Variants in SGCD observed in about 807,000 individuals in gnomAD.
SGCD encodes sarcoglycan delta.
SGCD carries 18 observed loss-of-function variants against 36.6 expected under a neutral mutation model. The ratio of observed to expected loss-of-function variants is 0.49; its 90% CI spans 0.34 to 0.73. The LOEUF (loss-of-function observed/expected upper bound fraction) is 0.73, where lower values mean the gene tolerates loss of function less well. Ranked by LOEUF, SGCD falls within the 30% of genes least tolerant of loss-of-function variation. SGCD has a pLI of 0.01. For missense variants in SGCD, 387 were observed against 346.7 expected, an observed-to-expected ratio of 1.12 and a Z score of -0.92; for synonymous variants, 133 against 130.6, an observed-to-expected ratio of 1.02 and a Z score of -0.12.
chr5:156,119,995 C>A (rs1034675120), intron 2 of SGCD, among the ~76,000 whole-genome samples: 34 of 152,184 alleles, frequency 2.2e-4, no homozygotes, highest in African/African-American at 8.0e-4. Flanking sequence ...TGATTTAAGA[C>A]ATATGTTGTT....
In SGCD at chr5:156,141,769, T is replaced by C. The variant is rs756008100; in HGVS notation, c.-44+17750T>C. Among the ~76,000 whole-genome samples, 4 of 152,206 alleles carry C rather than the reference T, an allele frequency of 2.6e-5. No homozygotes were observed. The South Asian group carries it at 8.3e-4, about 31-fold the overall frequency. On this transcript the variant is annotated intron_variant, in intron 3 of 9. Transcript: ENST00000517913. ...AACCCATTTCTATATCCCTGTTGCATTGTCTTCAATTTTCAAAACTCTAAG... is the reference window on the plus strand; with the variant it reads ...AACCCATTTCTATATCCCTGTTGCACTGTCTTCAATTTTCAAAACTCTAAG...
At chr5:156,397,672 G>T (rs912994886) in intron 3 of SGCD, among the ~76,000 whole-genome samples, 1 of 152,152 alleles carries the variant, frequency 6.6e-6, no homozygotes, top group Non-Finnish European at 1.5e-5. Flanking sequence ...CTGTCTCCCC[G>T]AGCAGCTTAG....
intron 3 of SGCD, among the ~76,000 whole-genome samples, chr5:156,268,512 T>C (rs557572501): frequency 7.7e-4 from 118 of 152,334 alleles, no homozygotes; most frequent in Admixed American, 1.8e-3. Context: ...GAGTTTTTAA[T>C]AGTAGCCATT....
At chr5:156,593,807 T>C (rs1010020292) in intron 5 of SGCD, among the ~76,000 whole-genome samples, 2 of 152,200 alleles carry the variant, frequency 1.3e-5, no homozygotes, top group African/African-American at 2.4e-5. Context: ...CTGGGGACTC[T>C]CTCATTGCTA....
chr5:156,681,487 G>A (rs1180627392), intron 7 of SGCD, among the ~76,000 whole-genome samples: 1 of 152,196 alleles, frequency 6.6e-6, no homozygotes, highest in Non-Finnish European at 1.5e-5. Flanking sequence ...GCCAAAAGCA[G>A]TATTTGGATG....
intron 3 of SGCD, among the ~76,000 whole-genome samples, chr5:156,380,467 C>T (rs1385684977): frequency 1.3e-5 from 2 of 152,208 alleles, no homozygotes; most frequent in Admixed American, 6.5e-5. Context: ...TTTTCAAGCA[C>T]GTATTCATTC....
At chr5:156,328,013 T>C (rs952323316) in intron 1 of SGCD, among the ~76,000 whole-genome samples, 6 of 152,206 alleles carry the variant, frequency 3.9e-5, no homozygotes, top group Non-Finnish European at 4.4e-5. Context: ...GACAGAGACA[T>C]GATGGTGTGA....
intron 1 of SGCD, among the ~76,000 whole-genome samples, chr5:156,080,157 C>T (rs1760913524): frequency 6.6e-6 from 1 of 152,206 alleles, no homozygotes; most frequent in Non-Finnish European, 1.5e-5. Flanking sequence ...TGAGTTGTAT[C>T]TCAGGCTCTT....
chr5:156,445,949 C>T (rs898349353), intron 3 of SGCD, among the ~76,000 whole-genome samples: 3 of 152,108 alleles, frequency 2.0e-5, no homozygotes, highest in African/African-American at 7.2e-5. Context: ...CTGTACTGTG[C>T]TAGTTGCCAG....
intron 1 of SGCD, among the ~76,000 whole-genome samples, chr5:156,001,425 G>A (rs1290982431): frequency 1.3e-5 from 2 of 152,198 alleles, no homozygotes; most frequent in East Asian, 3.9e-4. Context: ...AGAAAACAGT[G>A]TTTTATATTT....
chr5:156,436,443 A>T (rs1753251023), intron 3 of SGCD, among the ~76,000 whole-genome samples: 1 of 152,200 alleles, frequency 6.6e-6, no homozygotes, highest in Non-Finnish European at 1.5e-5. Context: ...TTTCCCAAGG[A>T]ATTTGACTCA....
At chr5:156,264,910 A>T (rs531983504) in intron 3 of SGCD, among the ~76,000 whole-genome samples, 5 of 152,164 alleles carry the variant, frequency 3.3e-5, no homozygotes, top group Admixed American at 2.0e-4. Context: ...TGAATTCTTC[A>T]TTCCAAACTC....
At position 156,589,109 on chromosome 5, in the gene SGCD, G is replaced by T. The variant is rs1760614318; in HGVS notation, c.295-122G>T. 3 of 649,918 alleles carry T rather than the reference G, an allele frequency of 4.6e-6. No homozygotes were observed. In the South Asian group the frequency reaches 5.8e-5, roughly 13 times the overall value. The allele number at this position is 649,918 out of a possible 1,614,324, so 40.3% of individuals were successfully genotyped here. On this transcript the variant is annotated intron_variant, in intron 4 of 8. Coordinates refer to ENST00000337851, the MANE Select transcript of SGCD (RefSeq NM_000337.6). ...ATCTTTAAACATTTGGAGTTTTTGA[G>T]TAAAGACACATTGATTGGAACTTGG...
At chr5:156,353,233 T>C (rs1580861726) in intron 3 of SGCD, among the ~76,000 whole-genome samples, 1 of 152,194 alleles carries the variant, frequency 6.6e-6, no homozygotes, top group East Asian at 1.9e-4. Flanking sequence ...ATTGAATAAA[T>C]GAAAGGGAGA....
chr5:156,492,644 C>T (rs1755996944), intron 3 of SGCD, among the ~76,000 whole-genome samples: 3 of 152,058 alleles, frequency 2.0e-5, no homozygotes, highest in Admixed American at 6.6e-5. Flanking sequence ...ATACACGTGC[C>T]ATGATGGTTT....
At chr5:156,312,387 G>A (rs1767411518) in intron 3 of SGCD, among the ~76,000 whole-genome samples, 1 of 152,122 alleles carries the variant, frequency 6.6e-6, no homozygotes, top group African/African-American at 2.4e-5. Flanking sequence ...TTAGAAAAAG[G>A]TAATCCTTAG....
At chr5:156,613,063 C>T (rs946599705) in intron 6 of SGCD, among the ~76,000 whole-genome samples, 9 of 152,298 alleles carry the variant, frequency 5.9e-5, no homozygotes, top group South Asian at 2.1e-4. Flanking sequence ...GGCAGAGGTA[C>T]GGTGCTTTGC....
chr5:156,119,081 G>A (rs572181086), intron 2 of SGCD, among the ~76,000 whole-genome samples: 9 of 152,270 alleles, frequency 5.9e-5, no homozygotes, highest in African/African-American at 1.7e-4. Context: ...GCTCATTCCA[G>A]TATGTAGTGG....
At position 156,397,933 on chromosome 5, in the gene SGCD, G is replaced by A. The variant is rs191738877; in HGVS notation, c.192+53256G>A. Reference sequence around the variant, plus strand: ...AAAAACGGGTTTGAATCTGTCCTGAGGCTGATAAAGAGGCAGGATTTATTA... The same window carrying A: ...AAAAACGGGTTTGAATCTGTCCTGAAGCTGATAAAGAGGCAGGATTTATTA... On this transcript the variant is annotated intron_variant, in intron 3 of 8. Coordinates refer to ENST00000337851, the MANE Select transcript of SGCD (RefSeq NM_000337.6). 1.6e-3 allele frequency among the ~76,000 whole-genome samples: 248 copies of A among 152,222 alleles called. 1 individual carries two copies. The highest frequency in any genetic ancestry group is 5.8e-3 in the African/African-American group (243 of 41,542).
Sources: gnomAD v4.1 joint callset for allele counts (sites outside exome capture counted in the v4.1 genomes callset) on GRCh38, gnomAD v4.1.1 for gene constraint, MANE v1.5 for transcripts, NCBI Gene and HGNC (gene_info 2026-07-23, HGNC 2026-07-21) for gene names.